Variants in ANK2 observed in about 807,000 individuals in gnomAD.
ANK2 encodes ankyrin 2.
Under a neutral mutation model 360.5 loss-of-function variants are expected in ANK2, and 83 were observed. That is an observed-to-expected ratio of 0.23 (90% CI 0.19 to 0.28). ANK2 has a LOEUF of 0.28. ANK2 is among the 10% of genes least tolerant of loss of function. The probability of loss-of-function intolerance (pLI) is 1.00; values close to 1 mark genes in which losing one functional copy is unlikely to be tolerated. For synonymous variants in ANK2, 1,740 were observed against 1,759.5 expected, an observed-to-expected ratio of 0.99 and a Z score of 0.28; for missense variants, 4,201 against 4,795.7, an observed-to-expected ratio of 0.88 and a Z score of 3.66.
At chr4:112,807,272 T>C in the ANK2 span, among the ~76,000 whole-genome samples, 1 of 152,224 alleles carries the variant, frequency 6.6e-6, no homozygotes, top group Admixed American at 6.5e-5. Flanking sequence ...CTGAAACTCA[T>C]TAAGTGTCAG....
At chr4:113,268,563 T>C (rs552191460) in intron 14 of ANK2, among the ~76,000 whole-genome samples, 1 of 152,350 alleles carries the variant, frequency 6.6e-6, no homozygotes, top group Non-Finnish European at 1.5e-5. Flanking sequence ...TTGATTTGCA[T>C]ATGTTGAACC....
chr4:112,840,566 C>T (rs534985689), intron 1 of ANK2, among the ~76,000 whole-genome samples: 3 of 152,214 alleles, frequency 2.0e-5, no homozygotes, highest in Non-Finnish European at 2.9e-5. Flanking sequence ...CATAATGTAG[C>T]CCCTGGGGTG....
chr4:112,839,834 G>C (rs1252670703), intron 1 of ANK2, among the ~76,000 whole-genome samples: 2 of 152,150 alleles, frequency 1.3e-5, no homozygotes, highest in Admixed American at 6.5e-5. Context: ...ACTTTAAAGA[G>C]AATTATATGC....
intron 1 of ANK2, among the ~76,000 whole-genome samples, chr4:113,166,319 G>A (rs1471119768): frequency 6.6e-6 from 1 of 151,982 alleles, no homozygotes; most frequent in East Asian, 1.9e-4. Flanking sequence ...ACACAACAAA[G>A]TTATCTTTTA....
chr4:112,921,508 G>T (rs2091519184), intron 2 of ANK2, among the ~76,000 whole-genome samples: 1 of 151,328 alleles, frequency 6.6e-6, no homozygotes, highest in African/African-American at 2.4e-5. Flanking sequence ...TATTGCCCAG[G>T]CTGGAGTGCA....
chr4:112,880,582 CTAAT>C (rs2076424579), intron 1 of ANK2: 1 of 152,130 alleles, frequency 6.6e-6, no homozygotes, highest in African/African-American at 2.4e-5. Flanking sequence ...CTCTAGGAAA[CTAAT>C]TAGAGAAGTT....
chr4:112,817,438 G>T (rs182046484), upstream of ANK2, among the ~76,000 whole-genome samples: 9 of 152,236 alleles, frequency 5.9e-5, no homozygotes, highest in African/African-American at 1.9e-4. Flanking sequence ...CTGACTTCCT[G>T]TCTGCTTATC....
chr4:113,276,066 C>T (rs188220887), intron 15 of ANK2, among the ~76,000 whole-genome samples: 8 of 151,788 alleles, frequency 5.3e-5, no homozygotes, highest in East Asian at 2.0e-4. Flanking sequence ...CTCAGCCTCC[C>T]GAGTAGCTGG....
the ANK2 span, among the ~76,000 whole-genome samples, chr4:112,773,967 A>C: frequency 6.6e-6 from 1 of 151,556 alleles, no homozygotes; most frequent in Non-Finnish European, 1.5e-5. Context: ...TGCCCAGCTA[A>C]TTTTTGTATT....
chr4:112,757,937 T>TGGCGCCGTCCTGGCCCACTGCAAC, the ANK2 span, among the ~76,000 whole-genome samples: 1 of 151,464 alleles, frequency 6.6e-6, no homozygotes, highest in Non-Finnish European at 1.5e-5. Context: ...TGGCGTGCAA[T>TGGCGCCGTCCTGGCCCACTGCAAC]GGCGCCGTCC....
At chr4:112,898,606 C>A (rs1009666088) in intron 1 of ANK2, among the ~76,000 whole-genome samples, 1 of 152,068 alleles carries the variant, frequency 6.6e-6, no homozygotes, top group African/African-American at 2.4e-5. Flanking sequence ...CTGAAGCCAA[C>A]CATTTTTAAA....
At chr4:113,074,286 T>C (rs986301324) in intron 1 of ANK2, among the ~76,000 whole-genome samples, 14 of 152,288 alleles carry the variant, frequency 9.2e-5, no homozygotes, top group African/African-American at 3.1e-4. Context: ...AAATGAGCCC[T>C]GGGGGAACCT....
At chr4:113,072,765 T>TTTTTTTTTTTTG (rs142762570) in intron 1 of ANK2, among the ~76,000 whole-genome samples, 6 of 121,186 alleles carry the variant, frequency 5.0e-5, no homozygotes, top group Non-Finnish European at 1.1e-4. Context: ...TTTTTTTTTT[T>TTTTTTTTTTTTG]GCTGTCTTGT....
At chr4:113,047,391 A>G (rs2064859101), upstream of ANK2, among the ~76,000 whole-genome samples, 1 of 152,204 alleles carries the variant, frequency 6.6e-6, no homozygotes, top group South Asian at 2.1e-4. Context: ...TTTGTTTATC[A>G]TGATATCCAC....
rs778112618 is a variant in ANK2, at chr4:113,346,028, G to A, written c.4371+6G>A. 56 of 1,612,736 alleles carry A rather than the reference G, an allele frequency of 3.5e-5. No homozygotes were observed. Among genetic ancestry groups the A allele is most frequent in the Non-Finnish European group, 4.3e-5 (51 of 1,179,066 alleles). On this transcript the variant is annotated splice_donor_region_variant and intron_variant, in intron 35 of 45. Coordinates refer to ENST00000357077, the MANE Select transcript of ANK2 (RefSeq NM_001148.6). ...CTTTGCCGATTTATACAAAGGTATC[G>A]TAAAATCTGCTATAGTGCAATTCAG...
intron 35 of ANK2, among the ~76,000 whole-genome samples, chr4:113,346,423 A>T (rs2094861007): frequency 6.6e-6 from 1 of 152,184 alleles, no homozygotes; most frequent in Non-Finnish European, 1.5e-5. Flanking sequence ...GCCCTATGAA[A>T]ATATTAGAGT....
intron 3 of ANK2, among the ~76,000 whole-genome samples, chr4:113,196,754 C>T (rs967965645): frequency 6.6e-5 from 10 of 152,112 alleles, no homozygotes; most frequent in African/African-American, 9.7e-5. Flanking sequence ...TGGGCTCTAG[C>T]GATCCTCCTG....
chr4:112,822,448 C>A (rs9759629), intron 1 of ANK2, among the ~76,000 whole-genome samples: 71,604 of 147,636 alleles, frequency 0.49, 18,074 homozygotes, highest in East Asian at 0.9. Context: ...ACAACAACAA[C>A]AAAAAACCAT....
At chr4:113,099,370 C>CAATTGG (rs2092387067) in intron 1 of ANK2, among the ~76,000 whole-genome samples, 2 of 151,634 alleles carry the variant, frequency 1.3e-5, no homozygotes, top group African/African-American at 4.8e-5. Context: ...CATCAATGAG[C>CAATTGG]AATTGGAATT....
Sources: allele counts gnomAD v4.1 joint callset (sites outside exome capture counted in the v4.1 genomes callset), GRCh38; gene constraint gnomAD v4.1.1; transcripts MANE v1.5; gene names NCBI Gene and HGNC (gene_info 2026-07-23, HGNC 2026-07-21).